Variants in SPANXD observed in about 807,000 individuals in gnomAD.
SPANXD encodes the protein SPANX family member D.
Under a neutral mutation model 1.8 loss-of-function variants are expected in SPANXD, and 2 were observed. That is an observed-to-expected ratio of 1.10 (90% CI 0.45 to 3.47). The LOEUF (loss-of-function observed/expected upper bound fraction) is 3.47. SPANXD is among the 30% of genes most tolerant of loss of function. The pLI is 0.08. For missense variants in SPANXD, 80 were observed against 81.6 expected (o/e 0.98, Z 0.07); for synonymous variants, 30 against 32.9 (o/e 0.91, Z 0.30).
Position 141,697,464 on chromosome X carries a change from G to T in SPANXD, c.*1C>A, listed in dbSNP as rs782010850. 111 of 1,207,210 alleles carry T rather than the reference G, an allele frequency of 9.2e-5. 1 individual carries two copies. The highest frequency in any genetic ancestry group is 1.2e-4 in the Non-Finnish European group (110 of 894,371). On this transcript the variant is annotated 3_prime_UTR_variant, in exon 2 of 2. Transcript: ENST00000370515. ...CCAAGGTTGAGAGATGTAGCTTCTTGCTACTTTGCAGGTATTTCAACCATT... is the reference window on the plus strand; with the variant it reads ...CCAAGGTTGAGAGATGTAGCTTCTTTCTACTTTGCAGGTATTTCAACCATT...
intron 1 of SPANXD, 78 bp from the exon 2 acceptor site, chrX:141,697,764 C>G: frequency 2.0e-6 from 2 of 1,005,992 alleles, no homozygotes; most frequent in Non-Finnish European, 2.8e-6. Flanking sequence ...AAGGGGGCTT[C>G]ATGAGAAGAA....
chrX:141,698,332 A>C lies in SPANXD; in HGVS notation c.72+2T>G, dbSNP rs2124226812. 1 of 1,181,047 alleles carries C rather than the reference A, an allele frequency of 8.5e-7. No individual in the cohort carries two copies. Among genetic ancestry groups the C allele is most frequent in the African/African-American group, 2.0e-5 (1 of 49,339 alleles). The stretch of plus-strand genomic sequence containing the variant: ...CTTCACTTCAGAACCTAACAGTCTT[A>C]CCATCTCGTTGGCCTCGTTGGAATC... On this transcript the variant is annotated splice_donor_variant, in intron 1 of 1. Coordinates refer to ENST00000370515, the MANE Select transcript of SPANXD (RefSeq NM_032417.4). LOFTEE classifies it high-confidence loss of function.
Position 141,697,614 on chromosome X carries a change from T to C in SPANXD, c.145A>G (p.Thr49Ala), listed in dbSNP as rs1556402375. The change falls in exon 2 of 2, where the codon ACC becomes GCC. Residue 49 changes from threonine to alanine, a missense_variant. Physicochemically the swap from Thr to Ala is moderately conservative, Grantham distance 58. Coordinates refer to ENST00000370515, the MANE Select transcript of SPANXD (RefSeq NM_032417.4). ...CTCCTGTAGCGAACCACTAGTATGG[T>C]CGAGGACTCAGATGTTTTTAGTTTT... ...PKKLKTSESS[T>A]ILVVRYRRNF... The C allele has an allele frequency of 3.3e-6, 4 of 1,194,302 alleles. No individual in the cohort carries two copies. The South Asian group carries it at 7.2e-5, about 22-fold the overall frequency.
In SPANXD at chrX:141,697,654, C is replaced by A; in HGVS notation, c.105G>T (p.Pro35=). 1 of 1,188,262 alleles carries A rather than the reference C, an allele frequency of 8.4e-7. No homozygotes were observed. Among genetic ancestry groups the A allele is most frequent in the South Asian group, 1.8e-5 (1 of 54,781 alleles). Reference sequence around the variant, plus strand: ...TTTTTAGTTTTTTCGGAGCAGGTTGCGGGTCTGAGTACCCACTCGAGGTCT... The same window carrying A: ...TTTTTAGTTTTTTCGGAGCAGGTTGAGGGTCTGAGTACCCACTCGAGGTCT... The part of the protein sequence containing the change: ...MPETSSGYSD[P]QPAPKKLKTS... The change falls in exon 2 of 2, where the codon CCG becomes CCT. Residue 35 remains proline, a synonymous_variant. Transcript: ENST00000370515.
rs1231092261 is a variant in SPANXD, at chrX:141,697,534, G to T, written c.225C>A (p.Asn75Lys). The T allele has an allele frequency of 3.3e-6, 4 of 1,206,766 alleles. No homozygotes were observed. Among genetic ancestry groups the T allele is most frequent in the Non-Finnish European group, 4.5e-6 (4 of 892,551 alleles). ...EELVNDHARKNRINPLQMEEE... is the reference protein window; with the variant it reads ...EELVNDHARKKRINPLQMEEE... Reference sequence around the variant, plus strand: ...CCTCCATTTGGAGGGGGTTGATTCTGTTCTTTCGGGCGTGGTCATTCACCA... The same window carrying T: ...CCTCCATTTGGAGGGGGTTGATTCTTTTCTTTCGGGCGTGGTCATTCACCA... The change falls in exon 2 of 2, where the codon AAC becomes AAA. Residue 75 changes from asparagine (N) to lysine (K), a missense_variant. Coordinates refer to ENST00000370515, the MANE Select transcript of SPANXD (RefSeq NM_032417.4).
At position 141,698,706 on chromosome X, in the gene SPANXD, A is replaced by C. The variant is rs1274903848; in HGVS notation, c.-301T>G. 4 of 245,276 alleles carry C rather than the reference A, an allele frequency of 1.6e-5. No individual in the cohort carries two copies. The highest frequency in any genetic ancestry group is 1.0e-4 in the African/African-American group (3 of 29,102). 20.2% of individuals were successfully genotyped at this position (245,276 alleles called of 1,213,427 possible). A position where few individuals can be genotyped will look rare whatever the true frequency, so the allele number is the denominator to read the frequency against. On this transcript the variant is annotated 5_prime_UTR_variant, in exon 1 of 2. Transcript: ENST00000370515. ...TCCCCTGAAGATGCATCCCAAACCG[A>C]TCTGCCGCCGCTCCTCATTTCTCCA...
In SPANXD at chrX:141,697,503, C is replaced by A. The variant is rs1404394229; in HGVS notation, c.256G>T (p.Glu86Ter). 6.6e-6 allele frequency: 8 copies of A among 1,208,378 alleles called. No individual in the cohort carries two copies. The highest frequency in any genetic ancestry group is 8.9e-6 in the Non-Finnish European group (8 of 893,903). ...RINPLQMEEE[E>*]FMEIMVEIPA... ...ATTTCAACCATTATTTCCATGAATT[C>A]CTCCTCCTCCATTTGGAGGGGGTTG... The change falls in exon 2 of 2, where the codon GAA (glutamate) becomes TAA (stop). Residue 86 changes from glutamate to a stop codon, truncating the protein, a stop_gained. Coordinates refer to ENST00000370515, the MANE Select transcript of SPANXD (RefSeq NM_032417.4). LOFTEE classifies it low-confidence loss of function (END_TRUNC).
In SPANXD at chrX:141,697,605, C is replaced by G. The variant is rs1556402361; in HGVS notation, c.154G>C (p.Val52Leu). ...TTAAAGTTCCTCCTGTAGCGAACCA[C>G]TAGTATGGTCGAGGACTCAGATGTT... ...LKTSESSTIL[V>L]VRYRRNFKRT... Residue 52 changes from valine to leucine, a missense_variant, in exon 2 of 2, where the codon GTG becomes CTG. This residue lies in a region of SPANXD where 78 missense variants were observed against 58.7 expected (regional missense o/e 1.33). Coordinates refer to ENST00000370515, the MANE Select transcript of SPANXD (RefSeq NM_032417.4). 1.2e-5 allele frequency: 15 copies of G among 1,201,489 alleles called. No homozygotes were observed. The highest frequency in any genetic ancestry group is 1.7e-5 in the Non-Finnish European group (15 of 889,272).
rs1556402316 is a variant in SPANXD at position 141,697,570 on chromosome X, A to G, written c.189T>C (p.Ser63=). The G allele has an allele frequency of 1.7e-6, 2 of 1,205,979 alleles. No homozygotes were observed. Among genetic ancestry groups the G allele is most frequent in the Admixed American group, 2.2e-5 (1 of 45,759 alleles). Residue 63 remains serine, a synonymous_variant, in exon 2 of 2, where the codon TCT becomes TCC. Transcript: ENST00000370515. Reference sequence around the variant, plus strand: ...CGTGGTCATTCACCAGTTCCTCTGGAGATGTTCTTTTAAAGTTCCTCCTGT... The same window carrying G: ...CGTGGTCATTCACCAGTTCCTCTGGGGATGTTCTTTTAAAGTTCCTCCTGT... ...VRYRRNFKRT[S]PEELVNDHAR...
chrX:141,697,558 C>T lies in SPANXD; in HGVS notation c.201G>A (p.Leu67=), dbSNP rs144655981. Residue 67 remains leucine, a synonymous_variant, in exon 2 of 2, where the codon CTG becomes CTA. Coordinates refer to ENST00000370515, the MANE Select transcript of SPANXD (RefSeq NM_032417.4). Reference sequence around the variant, plus strand: ...TGTTCTTTCGGGCGTGGTCATTCACCAGTTCCTCTGGAGATGTTCTTTTAA... The same window carrying T: ...TGTTCTTTCGGGCGTGGTCATTCACTAGTTCCTCTGGAGATGTTCTTTTAA... ...RNFKRTSPEE[L]VNDHARKNRI... 2 of 1,206,468 alleles carry T rather than the reference C, an allele frequency of 1.7e-6. No individual in the cohort carries two copies. Among genetic ancestry groups the T allele is most frequent in the South Asian group, 1.8e-5 (1 of 56,661 alleles).
rs149090206 is a variant in SPANXD at position 141,697,665 on chromosome X, A to G, written c.94T>C (p.Tyr32His). ...NEMMPETSSGYSDPQPAPKKL... is the reference protein window; with the variant it reads ...NEMMPETSSGHSDPQPAPKKL... ...TTCGGAGCAGGTTGCGGGTCTGAGT[A>G]CCCACTCGAGGTCTCCGGCATCTGT... is the stretch of plus-strand genomic sequence containing the variant. The change falls in exon 2 of 2, where the codon TAC becomes CAC. Residue 32 changes from tyrosine to histidine, a missense_variant. This residue lies in a region of SPANXD where 78 missense variants were observed against 58.7 expected (regional missense o/e 1.33). Transcript: ENST00000370515. The G allele has an allele frequency of 2.5e-6, 3 of 1,187,411 alleles. No homozygotes were observed. Among genetic ancestry groups the G allele is most frequent in the Non-Finnish European group, 3.4e-6 (3 of 880,030 alleles).
At position 141,697,520 on chromosome X, in the gene SPANXD, A is replaced by T. The variant is rs142537948; in HGVS notation, c.239T>A (p.Leu80His). Residue 80 changes from leucine (L) to histidine (H), a missense_variant, in exon 2 of 2, where the codon CTC (leucine) becomes CAC (histidine). By Grantham distance (99) the Leu-to-His change is moderately conservative. Around this residue, in one of 2 missense-constraint regions of SPANXD, gnomAD observed 78 missense variants for 58.7 expected, o/e 1.33. Coordinates refer to ENST00000370515, the MANE Select transcript of SPANXD (RefSeq NM_032417.4). ...CATGAATTCCTCCTCCTCCATTTGG[A>T]GGGGGTTGATTCTGTTCTTTCGGGC... ...DHARKNRINP[L>H]QMEEEEFMEI... 0.011 allele frequency: 12,662 copies of T among 1,192,836 alleles called. 111 individuals carry two copies. Among genetic ancestry groups the T allele is most frequent in the African/African-American group, 0.053 (2,878 of 54,414 alleles).
At position 141,698,588 on chromosome X, in the gene SPANXD, C is replaced by T. The variant is rs1314149315; in HGVS notation, c.-183G>A. On this transcript the variant is annotated 5_prime_UTR_variant, in exon 1 of 2. Transcript: ENST00000370515. ...AATGGCAGCCCTAGGGTGGCTTCGA[C>T]GTCACAAAGCCCCACTGCTGACCAC... 1.2e-5 allele frequency: 11 copies of T among 924,258 alleles called. No homozygotes were observed. The highest frequency in any genetic ancestry group is 1.5e-5 in the Non-Finnish European group (10 of 669,530). The allele number at this position is 924,258 out of a possible 1,213,427, so 76.2% of individuals were successfully genotyped here.
Position 141,697,705 on chromosome X carries a change from G to A in SPANXD, c.73-19C>T, listed in dbSNP as rs782762253. The A allele has an allele frequency of 2.8e-5, 33 of 1,188,674 alleles. No individual in the cohort carries two copies. Among genetic ancestry groups the A allele is most frequent in the Non-Finnish European group, 3.6e-5 (32 of 879,807 alleles). On this transcript the variant is annotated intron_variant, in intron 1 of 1. Coordinates refer to ENST00000370515, the MANE Select transcript of SPANXD (RefSeq NM_032417.4). ...CCGGCATCTGTTAAGAAAACAGGGA[G>A]AGGCCAGGAGGACATTATTTTGGGT... is the stretch of plus-strand genomic sequence containing the variant.
Position 141,698,517 on chromosome X carries a change from G to C in SPANXD, c.-112C>G, listed in dbSNP as rs1363960674. On this transcript the variant is annotated 5_prime_UTR_variant, in exon 1 of 2. Coordinates refer to ENST00000370515, the MANE Select transcript of SPANXD (RefSeq NM_032417.4). ...TATACCCTCCTGGTGACAAGGCAAA[G>C]CCACACCCTTGAGCTTTGTTTGATC... 1.5e-6 allele frequency: 1 copy of C among 654,237 alleles called. No homozygotes were observed. The highest frequency in any genetic ancestry group is 2.4e-6 in the Non-Finnish European group (1 of 425,027). The allele number at this position is 654,237 out of a possible 1,213,427, so 53.9% of individuals were successfully genotyped here.
Position 141,698,586 on chromosome X carries a change from G to A in SPANXD, c.-181C>T, listed in dbSNP as rs1556402783. The A allele has an allele frequency of 6.8e-5, 65 of 950,522 alleles. No homozygotes were observed. Among genetic ancestry groups the A allele is most frequent in the Non-Finnish European group, 3.8e-5 (26 of 692,409 alleles). 78.3% of individuals were successfully genotyped at this position (950,522 alleles called of 1,213,427 possible). On this transcript the variant is annotated 5_prime_UTR_variant, in exon 1 of 2. Coordinates refer to ENST00000370515, the MANE Select transcript of SPANXD (RefSeq NM_032417.4). ...CCAATGGCAGCCCTAGGGTGGCTTC[G>A]ACGTCACAAAGCCCCACTGCTGACC...
chrX:141,697,553 T>A lies in SPANXD; in HGVS notation c.206A>T (p.Asn69Ile). ...FKRTSPEELV[N>I]DHARKNRINP... is the part of the protein sequence containing the mutation. ...GATTCTGTTCTTTCGGGCGTGGTCA[T>A]TCACCAGTTCCTCTGGAGATGTTCT... Residue 69 changes from asparagine to isoleucine, a missense_variant, in exon 2 of 2, where the codon AAT (asparagine) becomes ATT (isoleucine). Asn to Ile is a moderately radical substitution (Grantham distance 149). Around this residue, in one of 2 missense-constraint regions of SPANXD, gnomAD observed 78 missense variants for 58.7 expected, o/e 1.33. Transcript: ENST00000370515. 1 of 1,206,741 alleles carries A rather than the reference T, an allele frequency of 8.3e-7. No individual in the cohort carries two copies. The highest frequency in any genetic ancestry group is 1.1e-6 in the Non-Finnish European group (1 of 892,530).
rs1296824377 is a variant in SPANXD at position 141,698,503 on chromosome X, G to A, written c.-98C>T. 35 of 767,245 alleles carry A rather than the reference G, an allele frequency of 4.6e-5. No individual in the cohort carries two copies. In the African/African-American group the frequency reaches 5.7e-4, roughly 12 times the overall value. The allele number at this position is 767,245 out of a possible 1,213,427, so 63.2% of individuals were successfully genotyped here. A position where few individuals can be genotyped will look rare whatever the true frequency, so the allele number is the denominator to read the frequency against. Reference sequence around the variant, plus strand: ...TTGCCCTCCCTATGTATACCCTCCTGGTGACAAGGCAAAGCCACACCCTTG... The same window carrying A: ...TTGCCCTCCCTATGTATACCCTCCTAGTGACAAGGCAAAGCCACACCCTTG... On this transcript the variant is annotated 5_prime_UTR_variant, in exon 1 of 2. Coordinates refer to ENST00000370515, the MANE Select transcript of SPANXD (RefSeq NM_032417.4).
rs1163233965 is a variant in SPANXD, at chrX:141,698,602, A to C, written c.-197T>G. 2.1e-5 allele frequency: 15 copies of C among 728,041 alleles called. No individual in the cohort carries two copies. The Admixed American group carries it at 5.0e-4, about 24-fold the overall frequency. The allele number at this position is 728,041 out of a possible 1,213,427, so 60.0% of individuals were successfully genotyped here. A position where few individuals can be genotyped will look rare whatever the true frequency, so the allele number is the denominator to read the frequency against. Reference sequence around the variant, plus strand: ...GGTGGCTTCGACGTCACAAAGCCCCACTGCTGACCACTCCCTGGGCTTGCG... The same window carrying C: ...GGTGGCTTCGACGTCACAAAGCCCCCCTGCTGACCACTCCCTGGGCTTGCG... On this transcript the variant is annotated 5_prime_UTR_variant, in exon 1 of 2. Transcript: ENST00000370515.
Sources: gnomAD v4.1 joint callset for allele counts on GRCh38, gnomAD v4.1.1 for gene constraint, gnomAD v4.1.1 regional missense constraint, MANE v1.5 for transcripts, NCBI Gene and HGNC (gene_info 2026-07-23, HGNC 2026-07-21) for gene names.